The following CACNA1C variants were observed in gnomAD, a reference collection of about 807,000 sequenced individuals.
CACNA1C encodes voltage-dependent L-type calcium channel subunit alpha-1C.
In CACNA1C, 30 loss-of-function variants were observed where a neutral mutation model predicts 229.0. The ratio of observed to expected loss-of-function variants is 0.13; its 90% CI spans 0.10 to 0.18. The LOEUF (loss-of-function observed/expected upper bound fraction) is 0.18. Ranked by LOEUF, CACNA1C falls within the 10% of genes least tolerant of loss-of-function variation. The pLI is 1.00. For synonymous variants in CACNA1C, 1,114 were observed against 1,132.5 expected (o/e 0.98, Z 0.33); for missense variants, 1,658 against 2,845.0 (o/e 0.58, Z 9.49).
intron 13 of CACNA1C, among the ~76,000 whole-genome samples, chr12:2,572,488 C>T (rs1448444364): frequency 3.1e-5 from 3 of 96,218 alleles, no homozygotes; most frequent in Non-Finnish European, 6.3e-5. Context: ...CCTCTTCCTC[C>T]TCCTCCTCCT....
chr12:2,274,773 G>T (rs1321829509), intron 3 of CACNA1C, among the ~76,000 whole-genome samples: 1 of 152,208 alleles, frequency 6.6e-6, no homozygotes, highest in Non-Finnish European at 1.5e-5. Flanking sequence ...CCACGGTATG[G>T]TCTGAGGGTG....
intron 9 of CACNA1C, among the ~76,000 whole-genome samples, chr12:2,549,738 T>C (rs1481134779): frequency 6.6e-6 from 1 of 152,176 alleles, no homozygotes. Context: ...TAGTTTACAG[T>C]GTTCTTGGCG....
In CACNA1C at chr12:2,567,618, G is replaced by A; in HGVS notation, c.1719G>A (p.Leu573=). Residue 573 remains leucine, a synonymous_variant, in exon 13 of 47, where the codon CTG becomes CTA. Coordinates refer to ENST00000399655, the MANE Select transcript of CACNA1C (RefSeq NM_000719.7). ...LLALFTAEML[L]KMYSLGLQAY... ...CCCTGTTCACGGCAGAGATGCTCCT[G>A]AAGATGTACAGCCTGGGCCTGCAGG... The A allele has an allele frequency of 1.2e-6, 2 of 1,609,448 alleles. No individual in the cohort carries two copies. The highest frequency in any genetic ancestry group is 1.7e-6 in the Non-Finnish European group (2 of 1,177,870).
rs533608531 is a variant in CACNA1C, at chr12:2,452,550, G to A, written c.617+3435G>A. Among the ~76,000 whole-genome samples, 74 of 152,252 alleles carry A rather than the reference G, an allele frequency of 4.9e-4. 1 individual carries two copies. Among genetic ancestry groups the A allele is most frequent in the Non-Finnish European group, 9.4e-4 (64 of 68,028 alleles). ...ACACAGCTCCCAGAGCAGTCCTTCG[G>A]CCAGGCGTCCACACCAGAGCCCAAC... On this transcript the variant is annotated intron_variant, in intron 4 of 46. Transcript: ENST00000399655.
In CACNA1C at chr12:2,493,694, G is replaced by A. The variant is rs1034486157; in HGVS notation, c.1113+308G>A. Among the ~76,000 whole-genome samples the A allele has an allele frequency of 2.0e-5, 3 of 152,090 alleles. No homozygotes were observed. The highest frequency in any genetic ancestry group is 1.9e-4 in the East Asian group (1 of 5,176). On this transcript the variant is annotated intron_variant, in intron 7 of 46. Coordinates refer to ENST00000399655, the MANE Select transcript of CACNA1C (RefSeq NM_000719.7). This position sits in a 1 kb window ranked among gnomAD's most constrained non-coding sequence, Gnocchi z 4.6. ...CTGGCCAGGCTGGCACAAGGGTTCC[G>A]TTCAACTCCTCCTCCCATGCAGAGT...
At chr12:2,292,745 G>A (rs2093635990) in intron 3 of CACNA1C, among the ~76,000 whole-genome samples, 1 of 152,176 alleles carries the variant, frequency 6.6e-6, no homozygotes, top group South Asian at 2.1e-4. Flanking sequence ...GGAGCTTCTA[G>A]TTCTCAGCCA....
At chr12:2,524,667 C>T (rs1031692829) in intron 9 of CACNA1C, among the ~76,000 whole-genome samples, 3 of 152,234 alleles carry the variant, frequency 2.0e-5, no homozygotes, top group African/African-American at 7.2e-5. Flanking sequence ...CTTTGCCACC[C>T]CCGGGGCCTC....
intron 3 of CACNA1C, among the ~76,000 whole-genome samples, chr12:2,327,795 G>A (rs2096385633): frequency 6.6e-6 from 1 of 152,198 alleles, no homozygotes; most frequent in Admixed American, 6.5e-5. Context: ...CCTCATTATA[G>A]GTACTCATGA....
chr12:2,490,816 C>A (rs1307425170), intron 6 of CACNA1C, among the ~76,000 whole-genome samples: 2 of 152,096 alleles, frequency 1.3e-5, no homozygotes, highest in Non-Finnish European at 2.9e-5. Context: ...GGAGCTGGAC[C>A]CTGAAATAAG....
chr12:2,691,400 G>T lies in CACNA1C; in HGVS notation c.*201G>T, dbSNP rs1177792071. On this transcript the variant is annotated 3_prime_UTR_variant, in exon 47 of 47. Coordinates refer to ENST00000399655, the MANE Select transcript of CACNA1C (RefSeq NM_000719.7). ...GCCCGGCTGCGTCTGCAGAGGCGGG[G>T]AGAGGAGGCGGCGAGGGTCCCGGGG... is the stretch of plus-strand genomic sequence containing the variant. 1 of 501,104 alleles carries T rather than the reference G, an allele frequency of 2.0e-6. No homozygotes were observed. The highest frequency in any genetic ancestry group is 2.0e-5 in the African/African-American group (1 of 50,192). 31.0% of individuals were successfully genotyped at this position (501,104 alleles called of 1,614,324 possible).
chr12:2,673,670 G>C (rs2096660139), intron 38 of CACNA1C, among the ~76,000 whole-genome samples: 1 of 152,116 alleles, frequency 6.6e-6, no homozygotes, highest in South Asian at 2.1e-4. Flanking sequence ...CTTTCCTGCT[G>C]GCTGACAGCT....
chr12:2,457,958 C>G (rs990863027), intron 5 of CACNA1C, among the ~76,000 whole-genome samples: 2 of 152,190 alleles, frequency 1.3e-5, no homozygotes, highest in Non-Finnish European at 2.9e-5. Flanking sequence ...CACATGAATC[C>G]TACATAAAGG....
At chr12:1,995,065 C>T (rs1401308840) in intron 1 of CACNA1C, among the ~76,000 whole-genome samples, 1 of 152,078 alleles carries the variant, frequency 6.6e-6, no homozygotes, top group Non-Finnish European at 1.5e-5. Flanking sequence ...TAAAAAACAG[C>T]AAAGGATTTT....
chr12:2,677,036 G>T lies in CACNA1C; in HGVS notation c.4829-58G>T. Reference sequence around the variant, plus strand: ...GATGCTGAAAAAAAAAATGAATGAAGTTCAACTGAATTCCCCTGCTCCCCT... The same window carrying T: ...GATGCTGAAAAAAAAAATGAATGAATTTCAACTGAATTCCCCTGCTCCCCT... On this transcript the variant is annotated intron_variant, in intron 39 of 46. Coordinates refer to ENST00000399655, the MANE Select transcript of CACNA1C (RefSeq NM_000719.7). This position sits in a 1 kb window ranked among gnomAD's most constrained non-coding sequence, Gnocchi z 7.4. 6.9e-7 allele frequency: 1 copy of T among 1,450,690 alleles called. No individual in the cohort carries two copies. The highest frequency in any genetic ancestry group is 9.5e-7 in the Non-Finnish European group (1 of 1,048,724). The allele number at this position is 1,450,690 out of a possible 1,614,324, so 89.9% of individuals were successfully genotyped here.
intron 3 of CACNA1C, among the ~76,000 whole-genome samples, chr12:2,440,371 T>TA (rs780205968): frequency 8.2e-4 from 125 of 152,352 alleles, no homozygotes; most frequent in Non-Finnish European, 1.5e-3. Flanking sequence ...AGTGGGATCA[T>TA]ACGGTATTTG....
Position 2,378,871 on chromosome 12 carries a change from C to CTTTCTTTCTTTT in CACNA1C, c.478-70105_478-70104insTTTCTTTCTTTT, listed in dbSNP as rs1158733526. Among the ~76,000 whole-genome samples, 15 of 151,346 alleles carry CTTTCTTTCTTTT rather than the reference C, an allele frequency of 9.9e-5. No individual in the cohort carries two copies. The South Asian group carries it at 2.1e-3, about 21-fold the overall frequency. The stretch of plus-strand genomic sequence containing the variant: ...CCTTTTCTTTTCTTTCCTTTCTTTG[C>CTTTCTTTCTTTT]CAATAGGCCACCGTAGTCAGTTTCA... On this transcript the variant is annotated intron_variant, in intron 3 of 46. Transcript: ENST00000399655.
At chr12:2,127,010 AG>A (rs1290336865) in intron 3 of CACNA1C, among the ~76,000 whole-genome samples, 3 of 152,146 alleles carry the variant, frequency 2.0e-5, no homozygotes, top group Non-Finnish European at 4.4e-5. Flanking sequence ...CAGCAAGATT[AG>A]TGTCTGTGTG....
upstream of CACNA1C, chr12:2,049,599 C>T (rs2051738864): frequency 6.6e-6 from 1 of 152,152 alleles, no homozygotes; most frequent in African/African-American, 2.4e-5. Context: ...AAAGAATAAA[C>T]ACAGTTCTCT....
rs886049148 is a variant in CACNA1C at position 2,053,330 on chromosome 12, C to T, written c.-233C>T. On this transcript the variant is annotated 5_prime_UTR_variant, in exon 1 of 47. Transcript: ENST00000399655. This position sits in a 1 kb window ranked among gnomAD's most constrained non-coding sequence, Gnocchi z 5.8. ...GCCCGGATGTACTGAGGATGCGTTA[C>T]AGTTTCACTCGAGGAGGCAGTAGTG... 5.4e-6 allele frequency: 7 copies of T among 1,285,850 alleles called. No homozygotes were observed. Among genetic ancestry groups the T allele is most frequent in the Non-Finnish European group, 5.9e-6 (6 of 1,014,200 alleles). The allele number at this position is 1,285,850 out of a possible 1,614,324, so 79.7% of individuals were successfully genotyped here.
Sources: gnomAD v4.1 joint callset for allele counts (sites outside exome capture counted in the v4.1 genomes callset) on GRCh38, gnomAD v4.1.1 for gene constraint, Gnocchi (gnomAD v3.1) non-coding constraint, MANE v1.5 for transcripts, NCBI Gene and HGNC (gene_info 2026-07-23, HGNC 2026-07-21) for gene names.